Variants in CSMD3 observed in about 807,000 individuals in gnomAD.
CSMD3 encodes the protein CUB and Sushi multiple domains 3.
CSMD3 carries 177 observed loss-of-function variants against 435.2 expected under a neutral mutation model. That is an observed-to-expected ratio of 0.41 (90% CI 0.36 to 0.46). The LOEUF is 0.46. Among genes scored for constraint, CSMD3 ranks in the 20% least tolerant of loss-of-function variants. The pLI, the probability that CSMD3 is intolerant of heterozygous loss-of-function variation, is 0.34. For synonymous variants in CSMD3, 1,656 were observed against 1,520.5 expected (o/e 1.09, Z -2.07); for missense variants, 4,265 against 4,504.6 (o/e 0.95, Z 1.52).
intron 13 of CSMD3, among the ~76,000 whole-genome samples, chr8:112,757,187 C>T (rs903092948): frequency 3.9e-5 from 6 of 151,970 alleles, no homozygotes; most frequent in Non-Finnish European, 7.4e-5. Flanking sequence ...TATATTAACA[C>T]GGTGGATAAT....
intron 11 of CSMD3, among the ~76,000 whole-genome samples, chr8:112,851,493 G>A (rs12542169): frequency 2.6e-4 from 40 of 152,210 alleles, no homozygotes; most frequent in Admixed American, 1.9e-3. Flanking sequence ...TGAGCCGGGC[G>A]CGGTGGCTCA....
chr8:113,258,282 C>T (rs376860782), intron 3 of CSMD3, among the ~76,000 whole-genome samples: 25 of 152,184 alleles, frequency 1.6e-4, no homozygotes, highest in Non-Finnish European at 2.5e-4. Context: ...ACTAGTAGAA[C>T]GAGAGTATTT....
intron 5 of CSMD3, among the ~76,000 whole-genome samples, chr8:113,075,793 G>C (rs1345343753): frequency 6.6e-6 from 1 of 151,060 alleles, no homozygotes; most frequent in Non-Finnish European, 1.5e-5. Context: ...GCAAATAATA[G>C]ATGAAAAAAA....
intron 13 of CSMD3, among the ~76,000 whole-genome samples, chr8:112,721,892 A>T (rs1242993400): frequency 6.6e-6 from 1 of 152,178 alleles, no homozygotes. Flanking sequence ...AATAAATAAC[A>T]CTACAAATGC....
intron 21 of CSMD3, among the ~76,000 whole-genome samples, chr8:112,637,849 T>C (rs1274888319): frequency 1.3e-5 from 2 of 152,076 alleles, no homozygotes; most frequent in African/African-American, 2.4e-5. Context: ...AATACTTTAA[T>C]GATTTTAGCA....
At chr8:113,403,410 C>G (rs925344101) in intron 1 of CSMD3, among the ~76,000 whole-genome samples, 1 of 151,166 alleles carries the variant, frequency 6.6e-6, no homozygotes, top group Non-Finnish European at 1.5e-5. Context: ...AAAAGAACCT[C>G]TAGTCTAAGA....
At chr8:112,463,125 A>G (rs1817620148) in intron 32 of CSMD3, among the ~76,000 whole-genome samples, 2 of 152,206 alleles carry the variant, frequency 1.3e-5, no homozygotes, top group South Asian at 4.1e-4. Flanking sequence ...TGGGAGGCCA[A>G]GGCCAAGGTG....
chr8:112,363,439 A>G (rs1189323292), intron 38 of CSMD3, among the ~76,000 whole-genome samples: 1 of 151,856 alleles, frequency 6.6e-6, no homozygotes, highest in African/African-American at 2.4e-5. Flanking sequence ...AAATATATAA[A>G]TATTTATATA....
chr8:112,298,305 C>T (rs1820540198), intron 53 of CSMD3, among the ~76,000 whole-genome samples: 1 of 151,874 alleles, frequency 6.6e-6, no homozygotes, highest in Admixed American at 6.6e-5. Flanking sequence ...GATTTACATA[C>T]ATGATTTCAA....
At chr8:112,352,645 A>C (rs1826236566) in intron 38 of CSMD3, 111 bp from the exon 39 acceptor site, 1 of 931,210 alleles carries the variant, frequency 1.1e-6, no homozygotes, top group Non-Finnish European at 1.7e-6. Context: ...ACTAGATACT[A>C]TATTGAGACG....
chr8:112,327,942 T>A (rs1333825297), intron 45 of CSMD3, among the ~76,000 whole-genome samples: 1 of 152,334 alleles, frequency 6.6e-6, no homozygotes, highest in Non-Finnish European at 1.5e-5. Context: ...GCTGCATGTA[T>A]CTACTTCTAT....
chr8:112,617,187 T>C (rs1251314576), intron 22 of CSMD3, among the ~76,000 whole-genome samples: 3 of 152,178 alleles, frequency 2.0e-5, no homozygotes, highest in Non-Finnish European at 2.9e-5. Flanking sequence ...ATCTTCACAA[T>C]AAAATAATAT....
At chr8:113,399,557 T>C (rs1315131901) in intron 1 of CSMD3, among the ~76,000 whole-genome samples, 3 of 151,850 alleles carry the variant, frequency 2.0e-5, no homozygotes, top group Non-Finnish European at 4.4e-5. Flanking sequence ...AAAGATTATA[T>C]ATTTTATGTG....
intron 57 of CSMD3, among the ~76,000 whole-genome samples, chr8:112,288,685 C>G (rs1819464304): frequency 6.6e-6 from 1 of 151,754 alleles, no homozygotes; most frequent in Non-Finnish European, 1.5e-5. Context: ...CATCATAGAT[C>G]TAAAACGTAA....
At chr8:113,417,504 A>G (rs1256449376) in intron 1 of CSMD3, among the ~76,000 whole-genome samples, 14 of 151,998 alleles carry the variant, frequency 9.2e-5, no homozygotes, top group Admixed American at 6.6e-5. Context: ...GCAAACCTCA[A>G]TGATATCTTG....
intron 1 of CSMD3, among the ~76,000 whole-genome samples, chr8:113,415,554 T>C (rs952012369): frequency 6.6e-6 from 1 of 152,192 alleles, no homozygotes; most frequent in African/African-American, 2.4e-5. Context: ...TAAAAATAAA[T>C]GACAGACTTT....
intron 14 of CSMD3, among the ~76,000 whole-genome samples, chr8:112,689,127 G>C (rs976398143): frequency 6.6e-6 from 1 of 152,014 alleles, no homozygotes; most frequent in East Asian, 1.9e-4. Context: ...AACAAAAGGG[G>C]ACTGTGAAGG....
At chr8:112,312,862 G>A (rs956392229) in intron 49 of CSMD3, among the ~76,000 whole-genome samples, 2 of 152,110 alleles carry the variant, frequency 1.3e-5, no homozygotes, top group Non-Finnish European at 2.9e-5. Context: ...ATCTGTCTAT[G>A]CCCGGAATCA....
At chr8:112,552,167 T>C (rs1184689561) in intron 26 of CSMD3, among the ~76,000 whole-genome samples, 1 of 152,020 alleles carries the variant, frequency 6.6e-6, no homozygotes, top group African/African-American at 2.4e-5. Context: ...TTAATGAGGA[T>C]GCACTAGGGT....
Sources: allele counts gnomAD v4.1 joint callset (sites outside exome capture counted in the v4.1 genomes callset), GRCh38; gene constraint gnomAD v4.1.1; transcripts MANE v1.5; gene names NCBI Gene and HGNC (gene_info 2026-07-23, HGNC 2026-07-21).